LRP1B: variants seen among roughly 807,000 people sequenced by gnomAD.
LRP1B encodes LDL receptor related protein 1B.
A neutral mutation model predicts 556.6 loss-of-function variants in LRP1B; 217 were observed. The ratio of observed to expected loss-of-function variants is 0.39; its 90% CI spans 0.35 to 0.44. The LOEUF is 0.44. Ranked by LOEUF, LRP1B falls within the 20% of genes least tolerant of loss-of-function variation. The probability of loss-of-function intolerance (pLI) is 1.00; values close to 1 mark genes in which losing one functional copy is unlikely to be tolerated. For missense variants in LRP1B, 5,053 were observed against 5,620.8 expected, an observed-to-expected ratio of 0.90 and a Z score of 3.23; for synonymous variants, 2,047 against 1,865.8, an observed-to-expected ratio of 1.10 and a Z score of -2.50.
At position 140,880,974 on chromosome 2, in the gene LRP1B, G is replaced by T. The variant is rs535615816; in HGVS notation, c.4169+2843C>A. Among the ~76,000 whole-genome samples the T allele has an allele frequency of 1.4e-4, 22 of 152,112 alleles. No homozygotes were observed. The South Asian group carries it at 4.2e-3, about 29-fold the overall frequency. ...AAACAACTTCCCTTGCCACCAAAAAGCTTAAGATTTAGTAGAAAATATAAC... is the reference window on the plus strand; with the variant it reads ...AAACAACTTCCCTTGCCACCAAAAATCTTAAGATTTAGTAGAAAATATAAC... On this transcript the variant is annotated intron_variant, in intron 25 of 90. Coordinates refer to ENST00000389484, the MANE Select transcript of LRP1B (RefSeq NM_018557.3).
intron 1 of LRP1B, among the ~76,000 whole-genome samples, chr2:141,905,765 A>ATGTGTGTGTGTGTGTGTG (rs56309590): frequency 7.0e-5 from 7 of 100,192 alleles, no homozygotes; most frequent in South Asian, 3.1e-4. Flanking sequence ...GTTTGAATAG[A>ATGTGTGTGTGTGTGTGTG]TGTGTGTGTG....
At chr2:141,261,648 A>G (rs1684691076) in intron 3 of LRP1B, among the ~76,000 whole-genome samples, 1 of 152,082 alleles carries the variant, frequency 6.6e-6, no homozygotes, top group South Asian at 2.1e-4. Context: ...TACTTAGCAT[A>G]ATGTATTTGA....
At chr2:141,665,294 A>T (rs1374955223) in intron 2 of LRP1B, among the ~76,000 whole-genome samples, 1 of 152,248 alleles carries the variant, frequency 6.6e-6, no homozygotes, top group Non-Finnish European at 1.5e-5. Context: ...AAATCTCAAA[A>T]GAAGACATAC....
At chr2:141,965,771 TAATA>T (rs1277192242) in intron 1 of LRP1B, among the ~76,000 whole-genome samples, 46 of 112,716 alleles carry the variant, frequency 4.1e-4, no homozygotes, top group African/African-American at 1.3e-3. Flanking sequence ...ATAATAGTAA[TAATA>T]AATAAATAAA....
At chr2:141,203,931 A>T (rs1431564150) in intron 6 of LRP1B, among the ~76,000 whole-genome samples, 1 of 152,222 alleles carries the variant, frequency 6.6e-6, no homozygotes, top group Non-Finnish European at 1.5e-5. Flanking sequence ...CTGAATGACT[A>T]CTGGGTAAAT....
intron 33 of LRP1B, among the ~76,000 whole-genome samples, chr2:140,771,586 T>C (rs1235630790): frequency 1.3e-5 from 2 of 152,212 alleles, no homozygotes; most frequent in African/African-American, 4.8e-5. Context: ...AATTGGCATA[T>C]TAATTCCTCT....
chr2:142,051,696 C>T (rs778849049), intron 1 of LRP1B, among the ~76,000 whole-genome samples: 10 of 151,916 alleles, frequency 6.6e-5, no homozygotes, highest in Admixed American at 2.0e-4. Flanking sequence ...AGGCTGGTCT[C>T]GAACTCTTGA....
At chr2:141,335,702 G>T (rs978930083) in intron 3 of LRP1B, among the ~76,000 whole-genome samples, 3 of 152,070 alleles carry the variant, frequency 2.0e-5, no homozygotes, top group African/African-American at 4.8e-5. Flanking sequence ...CAGACGAGAG[G>T]TATTACATGA....
At chr2:141,451,808 C>A (rs1573960308) in intron 3 of LRP1B, among the ~76,000 whole-genome samples, 1 of 152,100 alleles carries the variant, frequency 6.6e-6, no homozygotes, top group African/African-American at 2.4e-5. Flanking sequence ...ACTATTTTGC[C>A]AATACTAGCT....
intron 6 of LRP1B, among the ~76,000 whole-genome samples, chr2:141,216,869 C>T (rs542685256): frequency 3.9e-5 from 6 of 152,220 alleles, no homozygotes; most frequent in Admixed American, 2.0e-4. Context: ...AATGCATATA[C>T]CTCCATTGTA....
chr2:140,645,533 CTTTTTTTTTTTT>C (rs36082249), intron 41 of LRP1B, among the ~76,000 whole-genome samples: 2 of 81,230 alleles, frequency 2.5e-5, no homozygotes, highest in South Asian at 4.6e-4. Context: ...TGCCAATATT[CTTTTTTTTTTTT>C]TTTTTTTTTT....
intron 1 of LRP1B, among the ~76,000 whole-genome samples, chr2:142,036,796 C>T (rs1322317247): frequency 6.6e-6 from 1 of 151,706 alleles, no homozygotes; most frequent in Non-Finnish European, 1.5e-5. Flanking sequence ...TGTAATCACT[C>T]AGATTCAAAA....
chr2:142,072,021 T>G (rs901328823), intron 1 of LRP1B, among the ~76,000 whole-genome samples: 1 of 151,878 alleles, frequency 6.6e-6, no homozygotes, highest in Non-Finnish European at 1.5e-5. Flanking sequence ...TTCTTTCCTC[T>G]CCCTCTCTCA....
At chr2:141,875,306 C>A (rs1450289821) in intron 1 of LRP1B, among the ~76,000 whole-genome samples, 4 of 151,792 alleles carry the variant, frequency 2.6e-5, no homozygotes, top group Non-Finnish European at 5.9e-5. Flanking sequence ...GTTATCAGGC[C>A]ACACACAGCC....
intron 2 of LRP1B, among the ~76,000 whole-genome samples, chr2:141,576,542 C>T (rs1441936829): frequency 1.3e-5 from 2 of 151,928 alleles, no homozygotes; most frequent in Admixed American, 6.6e-5. Flanking sequence ...TAAACCTACA[C>T]GTTCTGTACA....
chr2:140,786,861 C>T (rs1025104546), intron 32 of LRP1B, among the ~76,000 whole-genome samples: 4 of 152,066 alleles, frequency 2.6e-5, no homozygotes, highest in Non-Finnish European at 5.9e-5. Context: ...CTGTTGCCAG[C>T]GAACTAGTTT....
At chr2:141,776,948 A>C (rs1326530073) in intron 2 of LRP1B, among the ~76,000 whole-genome samples, 10 of 152,206 alleles carry the variant, frequency 6.6e-5, no homozygotes. Flanking sequence ...TCTGTTAAGA[A>C]TCTAACTACA....
intron 41 of LRP1B, among the ~76,000 whole-genome samples, chr2:140,643,208 T>A (rs1027445007): frequency 6.6e-6 from 1 of 152,196 alleles, no homozygotes; most frequent in Non-Finnish European, 1.5e-5. Context: ...AGGACGCCTT[T>A]CCTTAATGTT....
At chr2:141,525,836 G>A (rs1684678471) in intron 2 of LRP1B, among the ~76,000 whole-genome samples, 1 of 151,930 alleles carries the variant, frequency 6.6e-6, no homozygotes, top group South Asian at 2.1e-4. Context: ...GGGTATTTTA[G>A]TATAACTATG....
Sources: allele counts gnomAD v4.1 joint callset (sites outside exome capture counted in the v4.1 genomes callset), GRCh38; gene constraint gnomAD v4.1.1; transcripts MANE v1.5; gene names NCBI Gene and HGNC (gene_info 2026-07-23, HGNC 2026-07-21).